Variants in TRPC6 observed in about 807,000 individuals in gnomAD.
The protein encoded by TRPC6 is transient receptor potential cation channel subfamily C member 6.
In TRPC6, 55 loss-of-function variants were observed where a neutral mutation model predicts 90.7. That is an observed-to-expected ratio of 0.61 (90% CI 0.49 to 0.76). The LOEUF (loss-of-function observed/expected upper bound fraction) is 0.76. TRPC6 is among the 30% of genes least tolerant of loss of function. TRPC6 has a pLI of 0.00. For synonymous variants in TRPC6, 393 were observed against 393.0 expected (o/e 1.00, Z 0.00); for missense variants, 989 against 1,122.7 (o/e 0.88, Z 1.70).
At chr11:101,490,353 G>A (rs997887366) in intron 3 of TRPC6, among the ~76,000 whole-genome samples, 8 of 152,082 alleles carry the variant, frequency 5.3e-5, no homozygotes, top group African/African-American at 1.9e-4. Flanking sequence ...ATTCAGAACT[G>A]GAAAAATTGG....
intron 4 of TRPC6, among the ~76,000 whole-genome samples, chr11:101,487,895 G>C (rs909604303): frequency 1.3e-5 from 2 of 152,048 alleles, no homozygotes; most frequent in African/African-American, 4.8e-5. Context: ...AAGCTTTCTA[G>C]CATGAGTCAT....
At chr11:101,475,702 C>T (rs1319165210) in intron 6 of TRPC6, among the ~76,000 whole-genome samples, 1 of 151,962 alleles carries the variant, frequency 6.6e-6, no homozygotes, top group East Asian at 1.9e-4. Context: ...TTTTTAGATT[C>T]CACAAATAAG....
At chr11:101,501,523 G>C (rs919636127) in intron 2 of TRPC6, among the ~76,000 whole-genome samples, 6 of 152,132 alleles carry the variant, frequency 3.9e-5, no homozygotes, top group African/African-American at 1.4e-4. Context: ...GCTGTAAACT[G>C]AGACTGGGAT....
intron 2 of TRPC6, among the ~76,000 whole-genome samples, chr11:101,499,598 G>A (rs75587259): frequency 2.3e-5 from 1 of 43,348 alleles, no homozygotes; most frequent in Admixed American, 1.9e-4. Context: ...ATATATATAC[G>A]TATATATGGT....
intron 1 of TRPC6, among the ~76,000 whole-genome samples, chr11:101,510,031 C>G (rs891054943): frequency 5.9e-5 from 9 of 152,028 alleles, no homozygotes; most frequent in African/African-American, 2.2e-4. Flanking sequence ...ATTCAGCACC[C>G]CTTGCATGAG....
chr11:101,583,307 G>C (rs1022792531), intron 1 of TRPC6, 27 bp downstream of exon 1: 1 of 1,558,724 alleles, frequency 6.4e-7, no homozygotes, highest in Non-Finnish European at 8.7e-7. Context: ...GCCCGCGCCC[G>C]ATCCGCCCCG....
At chr11:101,519,486 G>A (rs1860602637) in intron 1 of TRPC6, among the ~76,000 whole-genome samples, 1 of 151,996 alleles carries the variant, frequency 6.6e-6, no homozygotes, top group Admixed American at 6.6e-5. Context: ...CACAGACTAA[G>A]CTAAATAACC....
In TRPC6 at chr11:101,469,463, A is replaced by G; in HGVS notation, c.2448T>C (p.His816=). The G allele has an allele frequency of 1.3e-6, 1 of 772,286 alleles. No individual in the cohort carries two copies. The highest frequency in any genetic ancestry group is 1.4e-5 in the South Asian group (1 of 73,450). 47.8% of individuals were successfully genotyped at this position (772,286 alleles called of 1,614,324 possible). ...EEKKLGILGS[H]EDLSKLSLDK... is the part of the protein sequence containing the mutation. ...CAAGTGATAATTTTGAAAGGTCTTC[A>G]TGACTTCCTAAAATTCCAAGTTTCT... is the stretch of plus-strand genomic sequence containing the variant. The change falls in exon 10 of 13, where the codon CAT becomes CAC. Residue 816 remains histidine, a synonymous_variant. Transcript: ENST00000344327.
intron 1 of TRPC6, among the ~76,000 whole-genome samples, chr11:101,569,144 C>T (rs968456547): frequency 4.6e-5 from 7 of 150,578 alleles, no homozygotes; most frequent in African/African-American, 1.7e-4. Flanking sequence ...CACACATAAG[C>T]TCAAAATAAA....
chr11:101,563,481 T>C (rs1861760379), intron 1 of TRPC6, among the ~76,000 whole-genome samples: 1 of 152,182 alleles, frequency 6.6e-6, no homozygotes, highest in Non-Finnish European at 1.5e-5. Flanking sequence ...GAATAGGTTT[T>C]AGGTAGGAAA....
intron 2 of TRPC6, among the ~76,000 whole-genome samples, chr11:101,502,978 G>A (rs950217366): frequency 2.6e-5 from 4 of 151,090 alleles, no homozygotes. Context: ...GAAAAAAAAT[G>A]AAACCAATAT....
intron 1 of TRPC6, among the ~76,000 whole-genome samples, chr11:101,567,923 A>G (rs1457628908): frequency 2.0e-5 from 3 of 152,240 alleles, no homozygotes; most frequent in Non-Finnish European, 2.9e-5. Context: ...AAACCAGCGC[A>G]AAAGGCTGAA....
intron 10 of TRPC6, among the ~76,000 whole-genome samples, chr11:101,466,375 G>T (rs1219984140): frequency 1.3e-5 from 2 of 152,224 alleles, no homozygotes; most frequent in Non-Finnish European, 2.9e-5. Context: ...CCTGACTGGG[G>T]CTACTGCCTT....
chr11:101,583,261 G>A (rs1862240012), intron 1 of TRPC6, 73 bp downstream of exon 1: 8 of 1,512,504 alleles, frequency 5.3e-6, no homozygotes, highest in Non-Finnish European at 5.3e-6. Context: ...GGACGGACTC[G>A]GCCACTCCTG....
chr11:101,555,144 T>A (rs9888232), intron 1 of TRPC6, among the ~76,000 whole-genome samples: 36,598 of 152,146 alleles, frequency 0.24, 4,718 homozygotes, highest in East Asian at 0.41. Flanking sequence ...CATCCTCTTG[T>A]GAAGTGTACA....
intron 1 of TRPC6, among the ~76,000 whole-genome samples, chr11:101,529,683 AAAT>A (rs1385772852): frequency 6.6e-6 from 1 of 152,202 alleles, no homozygotes; most frequent in Non-Finnish European, 1.5e-5. Flanking sequence ...ATGTTTTTAT[AAAT>A]AATAAGTCAA....
At chr11:101,571,780 T>G (rs1861970225) in intron 1 of TRPC6, among the ~76,000 whole-genome samples, 1 of 152,232 alleles carries the variant, frequency 6.6e-6, no homozygotes, top group Admixed American at 6.5e-5. Context: ...AAGGATTCCC[T>G]ATTTAATAAA....
intron 1 of TRPC6, among the ~76,000 whole-genome samples, chr11:101,574,246 A>C (rs1423682037): frequency 6.6e-6 from 1 of 150,876 alleles, no homozygotes; most frequent in Non-Finnish European, 1.5e-5. Context: ...CCATCCCCAA[A>C]TGTGAAGGAA....
chr11:101,498,719 A>G (rs941480140), intron 2 of TRPC6, among the ~76,000 whole-genome samples: 1 of 152,124 alleles, frequency 6.6e-6, no homozygotes, highest in South Asian at 2.1e-4. Flanking sequence ...ACAGAGGTAC[A>G]TTAATACTTT....
Sources: allele counts gnomAD v4.1 joint callset (sites outside exome capture counted in the v4.1 genomes callset), GRCh38; gene constraint gnomAD v4.1.1; transcripts MANE v1.5; gene names NCBI Gene and HGNC (gene_info 2026-07-23, HGNC 2026-07-21).